ASB15: variants seen among roughly 807,000 people sequenced by gnomAD.
The protein encoded by ASB15 is ankyrin repeat and SOCS box containing 15.
In ASB15, 54 loss-of-function variants were observed where a neutral mutation model predicts 58.0. That is an observed-to-expected ratio of 0.93 (90% CI 0.75 to 1.17). The LOEUF is 1.17. Among genes scored for constraint, ASB15 ranks in the 50% most tolerant of loss-of-function variants. The probability of loss-of-function intolerance (pLI) is 0.00; values close to 1 mark genes in which losing one functional copy is unlikely to be tolerated. For missense variants in ASB15, 680 were observed against 707.4 expected (o/e 0.96, Z 0.44); for synonymous variants, 249 against 262.4 (o/e 0.95, Z 0.50).
Position 123,630,080 on chromosome 7 carries a change from G to T in ASB15, c.1555G>T (p.Glu519Ter). 10 of 1,603,196 alleles carry T rather than the reference G, an allele frequency of 6.2e-6. No individual in the cohort carries two copies. The highest frequency in any genetic ancestry group is 8.5e-6 in the Non-Finnish European group (10 of 1,173,068). ...PLCAKLKSAL[E>*]VQREWPEIRQ... Reference sequence around the variant, plus strand: ...GTGTGCTAAACTGAAGTCTGCACTAGAAGTACAGAGAGAATGGCCAGAAAT... The same window carrying T: ...GTGTGCTAAACTGAAGTCTGCACTATAAGTACAGAGAGAATGGCCAGAAAT... Residue 519 changes from glutamate to a stop codon, truncating the protein, a stop_gained, in exon 11 of 12, where the codon GAA becomes TAA. Transcript: ENST00000451215. LOFTEE classifies it high-confidence loss of function.
chr7:123,571,974 C>G (rs1798919229), intron 1 of ASB15, among the ~76,000 whole-genome samples: 1 of 151,724 alleles, frequency 6.6e-6, no homozygotes, highest in Non-Finnish European at 1.5e-5. Flanking sequence ...GGTCTCACTA[C>G]ATCTTTTGTA....
At chr7:123,611,734 A>G (rs1800474213) in intron 3 of ASB15, among the ~76,000 whole-genome samples, 1 of 152,172 alleles carries the variant, frequency 6.6e-6, no homozygotes, top group Non-Finnish European at 1.5e-5. Flanking sequence ...TGCCTTTATC[A>G]TTGTGTCTTG....
rs1802000331 is a variant in ASB15 at position 123,629,376 on chromosome 7, C to A, written c.1382C>A (p.Ser461Ter). ...ATCTTTGGAAATTCATTTGTGTGGTCAGAGATACAGGAAGAGGTGCTGCCA... is the reference window on the plus strand; with the variant it reads ...ATCTTTGGAAATTCATTTGTGTGGTAAGAGATACAGGAAGAGGTGCTGCCA... ...GDIFGNSFVW[S>*]EIQEEVLPGW... is the part of the protein sequence containing the mutation. The change falls in exon 10 of 12, where the codon TCA (serine) becomes TAA (stop). Residue 461 changes from serine to a stop codon, truncating the protein, a stop_gained. Coordinates refer to ENST00000451215, the MANE Select transcript of ASB15 (RefSeq NM_001290258.2). LOFTEE classifies it high-confidence loss of function. 6.2e-7 allele frequency: 1 copy of A among 1,613,684 alleles called. No homozygotes were observed. Among genetic ancestry groups the A allele is most frequent in the South Asian group, 1.1e-5 (1 of 91,016 alleles).
chr7:123,631,119 T>C (rs1802092517), intron 11 of ASB15, among the ~76,000 whole-genome samples: 1 of 152,172 alleles, frequency 6.6e-6, no homozygotes, highest in Non-Finnish European at 1.5e-5. Context: ...CATTTTTGCT[T>C]CTCTAAGTGG....
chr7:123,607,205 G>A (rs1358178356), intron 2 of ASB15, among the ~76,000 whole-genome samples: 2 of 152,002 alleles, frequency 1.3e-5, no homozygotes, highest in Non-Finnish European at 2.9e-5. Context: ...TAAAGTTGGG[G>A]GAAAAATCCA....
chr7:123,610,452 A>G lies in ASB15; in HGVS notation c.-3+1798A>G, dbSNP rs546025786. Among the ~76,000 whole-genome samples the G allele has an allele frequency of 9.2e-5, 14 of 152,334 alleles. No homozygotes were observed. In the East Asian group the frequency reaches 2.5e-3, roughly 27 times the overall value. ...ATCACCAAAGTTCCCTTTTCTCACT[A>G]TCTGAATTAAGGATTTAACATAGCC... On this transcript the variant is annotated intron_variant, in intron 3 of 11. Transcript: ENST00000451215.
intron 4 of ASB15, 88 bp downstream of exon 4, chr7:123,614,697 T>C: frequency 1.2e-6 from 1 of 866,956 alleles, no homozygotes; most frequent in Non-Finnish European, 1.9e-6. Flanking sequence ...TCCTAATTCC[T>C]CCTCTAGGAA....
At position 123,567,366 on chromosome 7, in the gene ASB15, G is replaced by A. The variant is rs1206460388; in HGVS notation, c.-443+278G>A. ...AATGTTGGGAAGTTCTGTAAATAAG[G>A]TTAGTAGGCCAGATCCAGGTGACTT... On this transcript the variant is annotated intron_variant, in intron 1 of 13. Coordinates refer to the ASB15 transcript ENST00000451558. Among the ~76,000 whole-genome samples the A allele has an allele frequency of 3.3e-5, 5 of 152,132 alleles. No homozygotes were observed. In the South Asian group the frequency reaches 8.3e-4, roughly 25 times the overall value.
At chr7:123,598,632 A>G (rs938262209), upstream of ASB15, among the ~76,000 whole-genome samples, 3 of 152,204 alleles carry the variant, frequency 2.0e-5, no homozygotes, top group Non-Finnish European at 4.4e-5. Flanking sequence ...TGTTCAACAA[A>G]ATATTCAACA....
chr7:123,567,924 G>A (rs1300764542), intron 1 of ASB15, among the ~76,000 whole-genome samples: 1 of 151,682 alleles, frequency 6.6e-6, no homozygotes, highest in Non-Finnish European at 1.5e-5. Flanking sequence ...ATCCATATCA[G>A]GTATGTTCAA....
upstream of ASB15, chr7:123,598,770 C>T (rs1277054524): frequency 6.6e-6 from 1 of 152,146 alleles, no homozygotes; most frequent in Non-Finnish European, 1.5e-5. Context: ...ATAGTGCTAC[C>T]TTACTAAAAA....
At chr7:123,607,613 A>C (rs1800212953) in intron 2 of ASB15, among the ~76,000 whole-genome samples, 1 of 152,102 alleles carries the variant, frequency 6.6e-6, no homozygotes, top group Non-Finnish European at 1.5e-5. Flanking sequence ...CAGCCCCCCA[A>C]GTAGCTGATA....
In ASB15 at chr7:123,614,514, T is replaced by C; in HGVS notation, c.12T>C (p.Asn4=). 2 of 1,598,290 alleles carry C rather than the reference T, an allele frequency of 1.3e-6. No individual in the cohort carries two copies. The highest frequency in any genetic ancestry group is 1.7e-6 in the Non-Finnish European group (2 of 1,166,434). The change falls in exon 4 of 12, where the codon AAT becomes AAC. Residue 4 remains asparagine (N), a synonymous_variant. Transcript: ENST00000451215. MDT[N]DDPDEDHLTS... ...AATTATATGCAGGAATGGATACTAA[T>C]GATGACCCTGATGAAGACCATCTTA... is the stretch of plus-strand genomic sequence containing the variant.
chr7:123,633,834 G>T (rs894088306), intron 11 of ASB15, among the ~76,000 whole-genome samples: 2 of 152,140 alleles, frequency 1.3e-5, no homozygotes, highest in Non-Finnish European at 2.9e-5. Flanking sequence ...TGAATAAGAT[G>T]AACCTGGAAC....
At chr7:123,577,911 ACTTT>A (rs1799108809) in intron 1 of ASB15, among the ~76,000 whole-genome samples, 2 of 151,952 alleles carry the variant, frequency 1.3e-5, no homozygotes, top group African/African-American at 4.8e-5. Context: ...TAAAAATTAT[ACTTT>A]AAGTTCCGGG....
At chr7:123,580,458 G>A (rs1211701946) in intron 1 of ASB15, among the ~76,000 whole-genome samples, 1 of 151,998 alleles carries the variant, frequency 6.6e-6, no homozygotes, top group Non-Finnish European at 1.5e-5. Context: ...GCTCAGGGTA[G>A]TTATGTGGCC....
chr7:123,613,136 C>T (rs1800569350), intron 3 of ASB15, among the ~76,000 whole-genome samples: 2 of 151,976 alleles, frequency 1.3e-5, no homozygotes, highest in South Asian at 4.2e-4. Context: ...AACAATTAAT[C>T]ATAATATTGC....
intron 7 of ASB15, among the ~76,000 whole-genome samples, chr7:123,623,921 A>AAG (rs1183907352): frequency 2.1e-4 from 22 of 106,908 alleles, no homozygotes; most frequent in Admixed American, 1.2e-3. Context: ...GAAGGAAGGA[A>AAG]GAAAGAAAGA....
At position 123,629,038 on chromosome 7, in the gene ASB15, T is replaced by C. The variant is rs746311385; in HGVS notation, c.1044T>C (p.Asp348=). The change falls in exon 10 of 12, where the codon GAT becomes GAC. Residue 348 remains aspartate, a synonymous_variant. Transcript: ENST00000451215. ...ACCACATTTCCCAGAGCTATGACGATGAGAGGAAGACTGCGCTGTATTTTG... is the reference window on the plus strand; with the variant it reads ...ACCACATTTCCCAGAGCTATGACGACGAGAGGAAGACTGCGCTGTATTTTG... The part of the protein sequence containing the change: ...LADHISQSYD[D]ERKTALYFGV... The C allele has an allele frequency of 1.9e-6, 3 of 1,613,690 alleles. No individual in the cohort carries two copies. The highest frequency in any genetic ancestry group is 2.5e-6 in the Non-Finnish European group (3 of 1,179,852).
Sources: gnomAD v4.1 joint callset for allele counts (sites outside exome capture counted in the v4.1 genomes callset) on GRCh38, gnomAD v4.1.1 for gene constraint, MANE v1.5 for transcripts, NCBI Gene and HGNC (gene_info 2026-07-23, HGNC 2026-07-21) for gene names.